Variants in RAB33A observed in about 807,000 individuals in gnomAD.
RAB33A encodes the protein ras-related protein Rab-33A.
In RAB33A, 6 loss-of-function variants were observed where a neutral mutation model predicts 12.0. The ratio of observed to expected loss-of-function variants is 0.50; its 90% CI spans 0.27 to 0.99. RAB33A has a LOEUF of 0.99. Among genes scored for constraint, RAB33A ranks in the 50% least tolerant of loss-of-function variants. RAB33A has a pLI of 0.11. For missense variants in RAB33A, 109 were observed against 192.0 expected (o/e 0.57, Z 2.55); for synonymous variants, 70 against 82.4 (o/e 0.85, Z 0.81).
chrX:130,158,070 C>G, the RAB33A span, among the ~76,000 whole-genome samples: 18 of 110,111 alleles, frequency 1.6e-4, no homozygotes, highest in African/African-American at 5.9e-4. Context: ...AGAGACCAGC[C>G]TGACCAACAT....
At chrX:130,135,610 A>G in the RAB33A span, among the ~76,000 whole-genome samples, 1 of 110,748 alleles carries the variant, frequency 9.0e-6, no homozygotes, top group Admixed American at 9.6e-5. Flanking sequence ...ATAGATTGTA[A>G]AAAACAGCTA....
chrX:130,117,567 T>C, the RAB33A span, among the ~76,000 whole-genome samples: 1 of 111,011 alleles, frequency 9.0e-6, no homozygotes, highest in African/African-American at 3.3e-5. Flanking sequence ...GTGGTTCATT[T>C]GAAAAGAAAA....
chrX:130,167,530 G>T (rs1193521662), upstream of RAB33A, among the ~76,000 whole-genome samples: 1 of 112,147 alleles, frequency 8.9e-6, no homozygotes, highest in Non-Finnish European at 1.9e-5. Context: ...ATCACTTTAG[G>T]TCAGGAGTTT....
the RAB33A span, among the ~76,000 whole-genome samples, chrX:130,144,374 C>T: frequency 4.5e-5 from 5 of 111,890 alleles, no homozygotes; most frequent in Admixed American, 1.9e-4. Context: ...AGCTCTTTCA[C>T]GCAAAGCCCT....
At position 130,172,337 on chromosome X, in the gene RAB33A, G is replaced by A. The variant is rs1031473439; in HGVS notation, c.258+17G>A. 8.5e-7 allele frequency: 1 copy of A among 1,182,245 alleles called. No homozygotes were observed. Among genetic ancestry groups the A allele is most frequent in the Non-Finnish European group, 1.1e-6 (1 of 880,195 alleles). On this transcript the variant is annotated intron_variant, in intron 1 of 1. Transcript: ENST00000257017. Reference sequence around the variant, plus strand: ...AAGATCAAGGTGATCCAGGGGGTCAGGTCCAGGAAGGGTGGGACCCGGGAG... The same window carrying A: ...AAGATCAAGGTGATCCAGGGGGTCAAGTCCAGGAAGGGTGGGACCCGGGAG...
the RAB33A span, among the ~76,000 whole-genome samples, chrX:130,153,178 C>CAA: frequency 3.0e-4 from 13 of 43,888 alleles, no homozygotes; most frequent in African/African-American, 6.0e-4. Context: ...ACTAAAAATA[C>CAA]AAAAAAAAAA....
At chrX:130,146,888 G>A in the RAB33A span, among the ~76,000 whole-genome samples, 1 of 112,451 alleles carries the variant, frequency 8.9e-6, no homozygotes, top group Admixed American at 9.4e-5. Context: ...ATGGCTGGGG[G>A]CAGTGGCTCA....
chrX:130,182,481 G>T (rs765497844), intron 1 of RAB33A, among the ~76,000 whole-genome samples: 2 of 108,969 alleles, frequency 1.8e-5, no homozygotes, highest in South Asian at 7.7e-4. Flanking sequence ...GAGGCTGGGC[G>T]TGGTGGCTCA....
the RAB33A span, among the ~76,000 whole-genome samples, chrX:130,150,034 G>C: frequency 5.4e-5 from 6 of 111,425 alleles, no homozygotes; most frequent in East Asian, 1.1e-3. Flanking sequence ...CTTTTGCTAA[G>C]TACTCACACA....
the RAB33A span, among the ~76,000 whole-genome samples, chrX:130,111,006 G>C: frequency 2.1e-5 from 2 of 96,743 alleles, no homozygotes; most frequent in African/African-American, 7.5e-5. Context: ...CGGGCGGGCG[G>C]GGTGGGGGAG....
chrX:130,171,609 T>C (rs1169790011), upstream of RAB33A: 1 of 131,886 alleles, frequency 7.6e-6, no homozygotes, highest in East Asian at 2.3e-4. Flanking sequence ...CGTGTGCCGC[T>C]GTCCCCACCC....
chrX:130,138,605 G>C, the RAB33A span: 1 of 1,206,222 alleles, frequency 8.3e-7, no homozygotes. Context: ...TTTCTGCCAA[G>C]AGCACAGGCC....
At chrX:130,161,278 C>T in the RAB33A span, among the ~76,000 whole-genome samples, 1 of 109,929 alleles carries the variant, frequency 9.1e-6, no homozygotes, top group South Asian at 4.0e-4. Flanking sequence ...TTTGGGAGGC[C>T]GAGGTGGGCG....
the RAB33A span, chrX:130,136,175 T>C: frequency 8.3e-7 from 1 of 1,210,709 alleles, no homozygotes; most frequent in East Asian, 3.0e-5. Flanking sequence ...CACTATGTGG[T>C]CAGTTTCTAC....
At chrX:130,114,311 C>T in the RAB33A span, among the ~76,000 whole-genome samples, 2 of 111,749 alleles carry the variant, frequency 1.8e-5, no homozygotes, top group African/African-American at 6.5e-5. Context: ...CCATGATCTG[C>T]GCGTTGCAGC....
chrX:130,114,596 G>A, the RAB33A span, among the ~76,000 whole-genome samples: 3 of 111,885 alleles, frequency 2.7e-5, no homozygotes, highest in African/African-American at 9.8e-5. Context: ...CCTGCACCAT[G>A]AGCGGAGCAC....
chrX:130,180,360 G>C (rs954734232), intron 1 of RAB33A, among the ~76,000 whole-genome samples: 17 of 112,839 alleles, frequency 1.5e-4, no homozygotes, highest in Non-Finnish European at 2.8e-4. Flanking sequence ...AGCACTTTCA[G>C]GGGCTGAGGC....
At chrX:130,161,130 G>A in the RAB33A span, among the ~76,000 whole-genome samples, 1 of 110,933 alleles carries the variant, frequency 9.0e-6, no homozygotes, top group South Asian at 3.8e-4. Flanking sequence ...CTTCACAATT[G>A]AGGCACCCAG....
the RAB33A span, among the ~76,000 whole-genome samples, chrX:130,135,839 C>T: frequency 9.0e-6 from 1 of 111,676 alleles, no homozygotes; most frequent in Middle Eastern, 4.7e-3. Flanking sequence ...GCACACTGTT[C>T]ATTTCATCTG....
Sources: allele counts gnomAD v4.1 joint callset (sites outside exome capture counted in the v4.1 genomes callset), GRCh38; gene constraint gnomAD v4.1.1; transcripts MANE v1.5; gene names NCBI Gene and HGNC (gene_info 2026-07-23, HGNC 2026-07-21).